DMRT1: variants seen among roughly 807,000 people sequenced by gnomAD.
DMRT1 encodes the protein doublesex- and mab-3-related transcription factor 1.
In DMRT1, 7 loss-of-function variants were observed where a neutral mutation model predicts 32.3. The ratio of observed to expected loss-of-function variants is 0.22; its 90% CI spans 0.12 to 0.41. The LOEUF is 0.41. Ranked by LOEUF, DMRT1 falls within the 10% of genes least tolerant of loss-of-function variation. DMRT1 has a pLI of 1.00. For missense variants in DMRT1, 625 were observed against 500.5 expected (o/e 1.25, Z -2.37); for synonymous variants, 278 against 206.1 (o/e 1.35, Z -2.99).
intron 4 of DMRT1, among the ~76,000 whole-genome samples, chr9:956,440 G>A (rs574872804): frequency 6.6e-5 from 10 of 151,952 alleles, no homozygotes; most frequent in East Asian, 1.9e-4. Context: ...GGCTCATGCC[G>A]GTAATCCCAG....
chr9:886,422 C>A (rs558455101), intron 2 of DMRT1, among the ~76,000 whole-genome samples: 1 of 152,206 alleles, frequency 6.6e-6, no homozygotes, highest in South Asian at 2.1e-4. Context: ...ACACGCCCGG[C>A]TAGTTTTTCT....
chr9:877,968 G>T (rs1341358988), intron 2 of DMRT1, among the ~76,000 whole-genome samples: 2 of 152,190 alleles, frequency 1.3e-5, no homozygotes, highest in Non-Finnish European at 2.9e-5. Context: ...GGTCAGAAAA[G>T]CTTCCTTCAC....
chr9:864,210 TTC>T (rs942532160), intron 2 of DMRT1, among the ~76,000 whole-genome samples: 1 of 43,178 alleles, frequency 2.3e-5, no homozygotes, highest in Non-Finnish European at 3.6e-5. Flanking sequence ...CTTCTTTTTT[TTC>T]TTTTTTTTTT....
At chr9:850,890 A>G (rs889762132) in intron 2 of DMRT1, among the ~76,000 whole-genome samples, 9 of 152,050 alleles carry the variant, frequency 5.9e-5, no homozygotes, top group Non-Finnish European at 1.2e-4. Flanking sequence ...TTAGCTGGGC[A>G]TGGTGGCACA....
chr9:871,002 C>G (rs1022314162), intron 2 of DMRT1, among the ~76,000 whole-genome samples: 5 of 151,762 alleles, frequency 3.3e-5, no homozygotes, highest in Non-Finnish European at 4.4e-5. Flanking sequence ...GCCATTGTGC[C>G]CATACATTCA....
chr9:966,661 T>G (rs1254916350), intron 4 of DMRT1, among the ~76,000 whole-genome samples: 1 of 152,166 alleles, frequency 6.6e-6, no homozygotes, highest in African/African-American at 2.4e-5. Flanking sequence ...AAATCCTAGC[T>G]CTGTTCTTTT....
At chr9:913,972 A>C (rs895141199) in intron 3 of DMRT1, among the ~76,000 whole-genome samples, 3 of 152,140 alleles carry the variant, frequency 2.0e-5, no homozygotes, top group Non-Finnish European at 4.4e-5. Context: ...CACGTATTCT[A>C]GTCCCTGGGC....
chr9:956,773 C>G (rs1819615659), intron 4 of DMRT1, among the ~76,000 whole-genome samples: 1 of 152,142 alleles, frequency 6.6e-6, no homozygotes, highest in Non-Finnish European at 1.5e-5. Flanking sequence ...GCCAGCCTTT[C>G]TTTCCTTAAG....
intron 2 of DMRT1, among the ~76,000 whole-genome samples, chr9:853,468 T>G (rs1045248593): frequency 6.6e-6 from 1 of 151,504 alleles, no homozygotes; most frequent in Non-Finnish European, 1.5e-5. Context: ...TTTTGTTTAT[T>G]TAATTAATTT....
At chr9:896,352 C>T (rs1333097757) in intron 3 of DMRT1, among the ~76,000 whole-genome samples, 1 of 142,794 alleles carries the variant, frequency 7.0e-6, no homozygotes, top group Non-Finnish European at 1.5e-5. Flanking sequence ...GATCTTGGCT[C>T]ACTGCAACCT....
At chr9:854,770 TCC>T (rs1815316758) in intron 2 of DMRT1, among the ~76,000 whole-genome samples, 1 of 125,918 alleles carries the variant, frequency 7.9e-6, no homozygotes, top group African/African-American at 3.0e-5. Flanking sequence ...AAAACAAAAC[TCC>T]TTTTTTTTTT....
intron 4 of DMRT1, among the ~76,000 whole-genome samples, chr9:963,319 TG>T (rs1819833733): frequency 6.6e-6 from 1 of 152,208 alleles, no homozygotes; most frequent in South Asian, 2.1e-4. Context: ...AACTAAGATA[TG>T]GTGTTACGGA....
chr9:899,659 T>G (rs1817497469), intron 3 of DMRT1, among the ~76,000 whole-genome samples: 1 of 152,234 alleles, frequency 6.6e-6, no homozygotes, highest in Admixed American at 6.5e-5. Context: ...TCAATTTCAC[T>G]TCTGCATTTA....
intron 3 of DMRT1, among the ~76,000 whole-genome samples, chr9:897,395 C>T (rs1318745284): frequency 6.6e-6 from 1 of 151,806 alleles, no homozygotes; most frequent in South Asian, 2.1e-4. Context: ...GGATTACAGG[C>T]GTGAGGGAAT....
chr9:872,755 G>A (rs1769426987), intron 2 of DMRT1, among the ~76,000 whole-genome samples: 1 of 152,080 alleles, frequency 6.6e-6, no homozygotes, highest in African/African-American at 2.4e-5. Context: ...TCAAATTTTT[G>A]TGTAAATATA....
At chr9:843,245 C>A (rs952677885) in intron 1 of DMRT1, among the ~76,000 whole-genome samples, 14 of 152,228 alleles carry the variant, frequency 9.2e-5, no homozygotes, top group South Asian at 2.1e-4. Context: ...CGCGGGTAAC[C>A]TGTCGGAAAG....
At chr9:877,438 A>G (rs972198980) in intron 2 of DMRT1, among the ~76,000 whole-genome samples, 1 of 152,176 alleles carries the variant, frequency 6.6e-6, no homozygotes, top group African/African-American at 2.4e-5. Context: ...ATGGCCAGCA[A>G]CCCTGTTTGC....
intron 2 of DMRT1, among the ~76,000 whole-genome samples, chr9:878,483 C>G (rs1468449544): frequency 6.6e-6 from 1 of 152,086 alleles, no homozygotes; most frequent in Non-Finnish European, 1.5e-5. Flanking sequence ...GTGGGAGAAA[C>G]ACATTGTTCC....
At position 903,097 on chromosome 9, in the gene DMRT1, G is replaced by A. The variant is rs1450293751; in HGVS notation, c.822+8902G>A. On this transcript the variant is annotated intron_variant, in intron 3 of 4. Transcript: ENST00000382276. ...AAATGGCTTGTCAAGTCTTAGCCAT[G>A]CCTATGATGTTTTCTTCTGCAACAT... is the stretch of plus-strand genomic sequence containing the variant. 2.6e-5 allele frequency among the ~76,000 whole-genome samples: 4 copies of A among 152,296 alleles called. No individual in the cohort carries two copies. In the East Asian group the frequency reaches 7.7e-4, roughly 29 times the overall value.
Sources: gnomAD v4.1 joint callset for allele counts (sites outside exome capture counted in the v4.1 genomes callset) on GRCh38, gnomAD v4.1.1 for gene constraint, MANE v1.5 for transcripts, NCBI Gene and HGNC (gene_info 2026-07-23, HGNC 2026-07-21) for gene names.